Variants in NPAT observed in about 807,000 individuals in gnomAD.
NPAT encodes the protein protein NPAT.
A neutral mutation model predicts 130.7 loss-of-function variants in NPAT; 52 were observed. That is an observed-to-expected ratio of 0.40 (90% CI 0.32 to 0.50). The LOEUF (loss-of-function observed/expected upper bound fraction) is 0.50, where lower values mean the gene tolerates loss of function less well. Among genes scored for constraint, NPAT ranks in the 20% least tolerant of loss-of-function variants. NPAT has a pLI of 0.68. For missense variants in NPAT, 1,687 were observed against 1,662.6 expected (o/e 1.01, Z -0.26); for synonymous variants, 580 against 584.8 (o/e 0.99, Z 0.12).
chr11:108,182,813 C>T (rs1341340019), intron 10 of NPAT, among the ~76,000 whole-genome samples: 6 of 152,336 alleles, frequency 3.9e-5, no homozygotes, highest in East Asian at 1.9e-4. Context: ...TAACTTTCTA[C>T]GAATACAGTA....
At chr11:108,205,091 C>A (rs528330658) in intron 1 of NPAT, among the ~76,000 whole-genome samples, 1 of 152,208 alleles carries the variant, frequency 6.6e-6, no homozygotes, top group East Asian at 1.9e-4. Flanking sequence ...CAAACAAAAT[C>A]GTGAAAGCAG....
chr11:108,214,461 G>C (rs1276006100), intron 1 of NPAT, among the ~76,000 whole-genome samples: 4 of 152,112 alleles, frequency 2.6e-5, no homozygotes, highest in Admixed American at 6.6e-5. Flanking sequence ...GGAATTGGAA[G>C]TGACTTAATA....
chr11:108,172,167 G>A, intron 13 of NPAT, 32 bp downstream of exon 13: 1 of 1,590,464 alleles, frequency 6.3e-7, no homozygotes, highest in Non-Finnish European at 8.6e-7. Context: ...CCAACCCAGA[G>A]AAACAAATTT....
intron 1 of NPAT, among the ~76,000 whole-genome samples, chr11:108,217,961 C>A (rs1417857089): frequency 6.6e-6 from 1 of 152,130 alleles, no homozygotes; most frequent in African/African-American, 2.4e-5. Flanking sequence ...CTGCTGCACC[C>A]AGCCTGGATG....
At chr11:108,210,185 AGTT>A (rs2078371288) in intron 1 of NPAT, among the ~76,000 whole-genome samples, 1 of 152,174 alleles carries the variant, frequency 6.6e-6, no homozygotes, top group Non-Finnish European at 1.5e-5. Flanking sequence ...CAGTATGAAC[AGTT>A]GTTATCTCAA....
At chr11:108,192,818 G>T (rs2078183391) in intron 3 of NPAT, among the ~76,000 whole-genome samples, 1 of 152,138 alleles carries the variant, frequency 6.6e-6, no homozygotes, top group Non-Finnish European at 1.5e-5. Context: ...GCTGGGCATG[G>T]TGGCGTGCGC....
At chr11:108,214,243 G>A (rs1366078633) in intron 1 of NPAT, among the ~76,000 whole-genome samples, 2 of 152,042 alleles carry the variant, frequency 1.3e-5, no homozygotes, top group Non-Finnish European at 2.9e-5. Context: ...ACAAAATATG[G>A]CATATTCATA....
intron 12 of NPAT, 34 bp downstream of exon 12, chr11:108,176,212 T>G: frequency 6.9e-7 from 1 of 1,446,654 alleles, no homozygotes; most frequent in Non-Finnish European, 9.7e-7. Flanking sequence ...TATTAAGATT[T>G]GGATTGATGA....
chr11:108,192,149 T>C lies in NPAT; in HGVS notation c.259A>G (p.Lys87Glu). The C allele has an allele frequency of 1.2e-6, 2 of 1,607,002 alleles. No individual in the cohort carries two copies. Among genetic ancestry groups the C allele is most frequent in the Non-Finnish European group, 1.7e-6 (2 of 1,173,676 alleles). Reference sequence around the variant, plus strand: ...TGAGAAAGTGTATGGTCCAATTTCTTCCATAGAGATGACATTATTGCTGGG... The same window carrying C: ...TGAGAAAGTGTATGGTCCAATTTCTCCCATAGAGATGACATTATTGCTGGG... ...NVPAIMSSLWKKLDHTLSQIR... is the reference protein window; with the variant it reads ...NVPAIMSSLWEKLDHTLSQIR... The change falls in exon 4 of 18, where the codon AAG (lysine) becomes GAG (glutamate). Residue 87 changes from lysine (K) to glutamate (E), a missense_variant. By Grantham distance (56) the Lys-to-Glu change is moderately conservative. Coordinates refer to ENST00000278612, the MANE Select transcript of NPAT (RefSeq NM_002519.3).
rs1040621015 is a variant in NPAT, at chr11:108,157,265, C to G, written c.*1677G>C. 2 of 152,096 alleles carry G rather than the reference C, an allele frequency of 1.3e-5. No individual in the cohort carries two copies. The highest frequency in any genetic ancestry group is 4.8e-5 in the African/African-American group (2 of 41,416). 9.4% of individuals were successfully genotyped at this position (152,096 alleles called of 1,614,324 possible). ...ATGAATTTTCAGTGCTTAGTACATA[C>G]AACTATGAATTGAATAAGAAGAAAA... On this transcript the variant is annotated 3_prime_UTR_variant, in exon 18 of 18. Coordinates refer to ENST00000278612, the MANE Select transcript of NPAT (RefSeq NM_002519.3).
rs747425617 is a variant in NPAT at position 108,189,366 on chromosome 11, G to A, written c.332-36C>T. On this transcript the variant is annotated intron_variant, in intron 5 of 17. Transcript: ENST00000278612. Reference sequence around the variant, plus strand: ...TAAGCATTTAAAAAACAAATTCAACGTCAGGGTAGTTTGGGAATTGTAAGA... The same window carrying A: ...TAAGCATTTAAAAAACAAATTCAACATCAGGGTAGTTTGGGAATTGTAAGA... 17 of 1,589,706 alleles carry A rather than the reference G, an allele frequency of 1.1e-5. No homozygotes were observed. In the East Asian group the frequency reaches 1.8e-4, roughly 17 times the overall value.
At chr11:108,213,782 G>A (rs560597461) in intron 1 of NPAT, among the ~76,000 whole-genome samples, 4 of 152,308 alleles carry the variant, frequency 2.6e-5, no homozygotes, top group East Asian at 3.9e-4. Flanking sequence ...TCCAGACGAT[G>A]TACGGGCATG....
chr11:108,186,333 A>G lies in NPAT; in HGVS notation c.726+149T>C. On this transcript the variant is annotated intron_variant, in intron 8 of 17. Transcript: ENST00000278612. ...CACCTGGCCAGTATTTTATTAAATG[A>G]TCCAACAACAACAATGTATTTACAG... 4.5e-6 allele frequency: 3 copies of G among 667,026 alleles called. No homozygotes were observed. The Admixed American group carries it at 7.4e-5, about 16-fold the overall frequency. 41.3% of individuals were successfully genotyped at this position (667,026 alleles called of 1,614,324 possible). A position where few individuals can be genotyped will look rare whatever the true frequency, so the allele number is the denominator to read the frequency against.
At chr11:108,197,186 T>G in intron 2 of NPAT, 116 bp downstream of exon 2, 1 of 794,132 alleles carries the variant, frequency 1.3e-6, no homozygotes, top group Non-Finnish European at 2.2e-6. Context: ...TGCATGAATA[T>G]AAACCACCAA....
intron 2 of NPAT, 133 bp downstream of exon 2, chr11:108,197,169 C>T: frequency 5.7e-6 from 4 of 702,386 alleles, no homozygotes; most frequent in Non-Finnish European, 1.0e-5. Context: ...TTGGGTCTTA[C>T]CAGTCATGCA....
At chr11:108,197,192 A>G in intron 2 of NPAT, 110 bp downstream of exon 2, 1 of 820,818 alleles carries the variant, frequency 1.2e-6, no homozygotes, top group African/African-American at 1.7e-5. Flanking sequence ...AATATAAACC[A>G]CCAAATTTCT....
At chr11:108,160,370 A>C (rs2077834578) in intron 17 of NPAT, among the ~76,000 whole-genome samples, 1 of 152,056 alleles carries the variant, frequency 6.6e-6, no homozygotes, top group Non-Finnish European at 1.5e-5. Flanking sequence ...CACTGCTCTA[A>C]TATGCTAACA....
chr11:108,186,642 C>T, intron 7 of NPAT, 73 bp from the exon 8 acceptor site: 1 of 1,248,996 alleles, frequency 8.0e-7, no homozygotes, highest in Non-Finnish European at 1.2e-6. Flanking sequence ...CATATACAGA[C>T]ATAAATTTTA....
chr11:108,174,300 G>T (rs2077983606), intron 12 of NPAT, among the ~76,000 whole-genome samples: 1 of 152,074 alleles, frequency 6.6e-6, no homozygotes, highest in Non-Finnish European at 1.5e-5. Flanking sequence ...TTAAAGGTGA[G>T]ATGGGGCCAA....
Sources: gnomAD v4.1 joint callset for allele counts (sites outside exome capture counted in the v4.1 genomes callset) on GRCh38, gnomAD v4.1.1 for gene constraint, MANE v1.5 for transcripts, NCBI Gene and HGNC (gene_info 2026-07-23, HGNC 2026-07-21) for gene names.